The following SRP68 variants were observed in gnomAD, a reference collection of about 807,000 sequenced individuals.
The protein encoded by SRP68 is signal recognition particle 68.
SRP68 carries 15 observed loss-of-function variants against 82.2 expected under a neutral mutation model. The ratio of observed to expected loss-of-function variants is 0.18; its 90% CI spans 0.12 to 0.28. SRP68 has a LOEUF of 0.28. Among genes scored for constraint, SRP68 ranks in the 10% least tolerant of loss-of-function variants. The pLI, the probability that SRP68 is intolerant of heterozygous loss-of-function variation, is 1.00. For missense variants in SRP68, 595 were observed against 780.5 expected (o/e 0.76, Z 2.83); for synonymous variants, 261 against 292.6 (o/e 0.89, Z 1.10).
intron 8 of SRP68, among the ~76,000 whole-genome samples, chr17:76,056,563 T>C (rs1039416187): frequency 3.3e-5 from 5 of 152,328 alleles, no homozygotes; most frequent in East Asian, 1.9e-4. Context: ...ACACATCAAC[T>C]CTTCAGCTGT....
intron 9 of SRP68, chr17:76,048,765 G>A (rs1293638162): frequency 6.6e-6 from 1 of 152,264 alleles, no homozygotes; most frequent in Non-Finnish European, 1.5e-5. Flanking sequence ...AAACCATCAA[G>A]TTTGTGGTTA....
intron 3 of SRP68, among the ~76,000 whole-genome samples, chr17:76,065,554 C>A (rs2066800317): frequency 6.6e-6 from 1 of 151,820 alleles, no homozygotes; most frequent in African/African-American, 2.4e-5. Flanking sequence ...AGCTTTCTGA[C>A]TGTACACACC....
intron 13 of SRP68, chr17:76,041,691 T>C (rs2598447): frequency 0.96 from 146,438 of 152,270 alleles, 70,459 homozygotes; most frequent in African/African-American, 0.99. Flanking sequence ...TGTGCTGTTT[T>C]CTAGCTCTGC....
chr17:76,072,312 C>T lies in SRP68; in HGVS notation c.180G>A (p.Leu60=), dbSNP rs1258918460. Residue 60 remains leucine, a synonymous_variant, in exon 1 of 16, where the codon TTG becomes TTA. Coordinates refer to ENST00000307877, the MANE Select transcript of SRP68 (RefSeq NM_014230.4). The surrounding 1 kb of genome is among the most constrained non-coding windows in gnomAD (Gnocchi z 4.5). The part of the protein sequence containing the change: ...ANKEFGDSLS[L]EILQIIKESQ... ...GGCCCGATTACTCTAGGATACTCTC[C>T]AAACTCAGGCTATCCCCAAATTCTT... The T allele has an allele frequency of 6.2e-7, 1 of 1,612,162 alleles. No homozygotes were observed. Among genetic ancestry groups the T allele is most frequent in the African/African-American group, 1.3e-5 (1 of 74,488 alleles).
chr17:76,070,447 A>T lies in SRP68; in HGVS notation c.185-3T>A, dbSNP rs561036913. 6.2e-7 allele frequency: 1 copy of T among 1,613,726 alleles called. No individual in the cohort carries two copies. Among genetic ancestry groups the T allele is most frequent in the East Asian group, 2.2e-5 (1 of 44,878 alleles). On this transcript the variant is annotated splice_polypyrimidine_tract_variant and splice_region_variant and intron_variant, in intron 1 of 15. Transcript: ENST00000307877. ...GGATTCCTTAATAATCTGAAGAACT[A>T]GAGTCGAGATTAAGGAAAATCTTAC...
chr17:76,050,837 C>T (rs1186681812), intron 8 of SRP68, among the ~76,000 whole-genome samples: 1 of 151,656 alleles, frequency 6.6e-6, no homozygotes, highest in African/African-American at 2.4e-5. Flanking sequence ...CTGCTACTTC[C>T]CTGCAGCGCT....
chr17:76,060,078 A>G (rs1452230995), intron 7 of SRP68, among the ~76,000 whole-genome samples: 1 of 129,322 alleles, frequency 7.7e-6, no homozygotes, highest in Non-Finnish European at 1.6e-5. Flanking sequence ...GTAAGCCGAG[A>G]TCGTGCCACC....
At chr17:76,053,683 T>C (rs1404211533) in intron 8 of SRP68, 2 of 982,450 alleles carry the variant, frequency 2.0e-6, no homozygotes, top group East Asian at 1.1e-4. Flanking sequence ...CTTAAGTCAG[T>C]TGTGTTTTTC....
Position 76,039,305 on chromosome 17 carries a change from G to A in SRP68, c.*401C>T, listed in dbSNP as rs1434336964. ...ATAAACTTCTCAAGGGCTCCTGGAT[G>A]CTCACAGCAAGGATGAGTTCATTTC... On this transcript the variant is annotated 3_prime_UTR_variant, in exon 16 of 16. Transcript: ENST00000307877. The A allele has an allele frequency of 2.2e-6, 1 of 463,832 alleles. No individual in the cohort carries two copies. Among genetic ancestry groups the A allele is most frequent in the Admixed American group, 2.3e-5 (1 of 42,732 alleles). 28.7% of individuals were successfully genotyped at this position (463,832 alleles called of 1,614,324 possible). A position where few individuals can be genotyped will look rare whatever the true frequency, so the allele number is the denominator to read the frequency against.
Position 76,066,685 on chromosome 17 carries a change from A to G in SRP68, c.365+532T>C, listed in dbSNP as rs1233898469. The stretch of plus-strand genomic sequence containing the variant: ...AGAAGAAGCTTCCCTGTACAGAGAC[A>G]GAGGAAGGGGGGCTCCAAAGCTGAG... On this transcript the variant is annotated intron_variant, in intron 3 of 15. Transcript: ENST00000307877. Among the ~76,000 whole-genome samples the G allele has an allele frequency of 2.7e-5, 4 of 150,362 alleles. No individual in the cohort carries two copies. In the East Asian group the frequency reaches 7.8e-4, roughly 29 times the overall value.
At chr17:76,047,437 T>C (rs1199332515) in intron 10 of SRP68, among the ~76,000 whole-genome samples, 1 of 152,230 alleles carries the variant, frequency 6.6e-6, no homozygotes. Flanking sequence ...GTAGCATATA[T>C]ACTTATTTGA....
chr17:76,055,610 C>T (rs969837246), intron 8 of SRP68, among the ~76,000 whole-genome samples: 6 of 151,470 alleles, frequency 4.0e-5, no homozygotes, highest in East Asian at 2.0e-4. Context: ...AAAAATTAGC[C>T]GGGTGTGATG....
intron 8 of SRP68, among the ~76,000 whole-genome samples, chr17:76,054,056 G>T (rs2066695049): frequency 6.6e-6 from 1 of 152,172 alleles, no homozygotes; most frequent in Non-Finnish European, 1.5e-5. Context: ...GAAATCTTAA[G>T]CCCAGAAGTA....
At chr17:76,058,653 G>A (rs1039623620) in intron 7 of SRP68, among the ~76,000 whole-genome samples, 1 of 152,186 alleles carries the variant, frequency 6.6e-6, no homozygotes, top group Admixed American at 6.6e-5. Flanking sequence ...GTTAAAAAGA[G>A]TAACACTAAG....
intron 8 of SRP68, among the ~76,000 whole-genome samples, chr17:76,056,888 T>C (rs1794151932): frequency 6.6e-6 from 1 of 152,212 alleles, no homozygotes; most frequent in South Asian, 2.1e-4. Flanking sequence ...CGCATTTGGT[T>C]GTTTGTACCC....
At chr17:76,040,352 G>A (rs1361232266) in intron 15 of SRP68, 67 bp downstream of exon 15, 9 of 1,460,752 alleles carry the variant, frequency 6.2e-6, no homozygotes, top group Non-Finnish European at 6.7e-6. Context: ...GCTCTATAAT[G>A]AGCATGCATT....
intron 3 of SRP68, among the ~76,000 whole-genome samples, chr17:76,066,991 G>A (rs751488189): frequency 3.9e-5 from 6 of 152,008 alleles, no homozygotes; most frequent in Non-Finnish European, 8.8e-5. Context: ...GCCTCCCAAC[G>A]TGCTGGGATT....
rs1485740876 is a variant in SRP68 at position 76,071,540 on chromosome 17, A to G, written c.184+768T>C. 6.6e-6 allele frequency among the ~76,000 whole-genome samples: 1 copy of G among 152,192 alleles called. No individual in the cohort carries two copies. The highest frequency in any genetic ancestry group is 1.5e-5 in the Non-Finnish European group (1 of 68,036). On this transcript the variant is annotated intron_variant, in intron 1 of 15. Transcript: ENST00000307877. The surrounding 1 kb of genome is among the most constrained non-coding windows in gnomAD (Gnocchi z 4.7). ...CAGGGCTCGCTAGCGTCTACTTGGA[A>G]CTATTACCAGTAATTCAAAATATTT...
At chr17:76,055,992 T>G (rs2066711651) in intron 8 of SRP68, among the ~76,000 whole-genome samples, 1 of 151,802 alleles carries the variant, frequency 6.6e-6, no homozygotes, top group African/African-American at 2.4e-5. Context: ...GTACTTTTTT[T>G]TGTAGAGATG....
Sources: allele counts gnomAD v4.1 joint callset (sites outside exome capture counted in the v4.1 genomes callset), GRCh38; gene constraint gnomAD v4.1.1; non-coding constraint Gnocchi (gnomAD v3.1); transcripts MANE v1.5; gene names NCBI Gene and HGNC (gene_info 2026-07-23, HGNC 2026-07-21).